The following DYNC2H1 variants were observed in gnomAD, a reference collection of about 807,000 sequenced individuals.
The protein encoded by DYNC2H1 is dynein cytoplasmic 2 heavy chain 1.
DYNC2H1 carries 410 observed loss-of-function variants against 570.0 expected under a neutral mutation model. The observed-to-expected ratio is 0.72, with a 90% CI of 0.66 to 0.78. DYNC2H1 has a LOEUF of 0.78. Among genes scored for constraint, DYNC2H1 ranks in the 30% least tolerant of loss-of-function variants. The probability of loss-of-function intolerance (pLI) is 0.00; values close to 1 mark genes in which losing one functional copy is unlikely to be tolerated. For missense variants in DYNC2H1, 4,865 were observed against 5,046.4 expected, an observed-to-expected ratio of 0.96 and a Z score of 1.09; for synonymous variants, 1,688 against 1,677.6, an observed-to-expected ratio of 1.01 and a Z score of -0.15.
chr11:103,381,629 A>C (rs2671388), intron 83 of DYNC2H1, among the ~76,000 whole-genome samples: 66,439 of 151,892 alleles, frequency 0.44, 16,112 homozygotes, highest in Non-Finnish European at 0.55. Flanking sequence ...TTGTATTTTT[A>C]GTAGAGATGG....
At chr11:103,416,351 A>G (rs1310051493) in intron 84 of DYNC2H1, among the ~76,000 whole-genome samples, 1 of 152,212 alleles carries the variant, frequency 6.6e-6, no homozygotes, top group East Asian at 1.9e-4. Context: ...TTCATATGGA[A>G]CCAAAATAGA....
chr11:103,181,069 G>T lies in DYNC2H1; in HGVS notation c.6348-688G>T, dbSNP rs1388181967. ...TATAAGGTATAATTTTGAATAAGATGTGAATCTCTATTATTTCACCAATTG... is the reference window on the plus strand; with the variant it reads ...TATAAGGTATAATTTTGAATAAGATTTGAATCTCTATTATTTCACCAATTG... On this transcript the variant is annotated intron_variant, in intron 39 of 88. Coordinates refer to ENST00000375735, the MANE Select transcript of DYNC2H1 (RefSeq NM_001377.3). The surrounding 1 kb of genome is among the most constrained non-coding windows in gnomAD (Gnocchi z 5.0). 6.6e-6 allele frequency among the ~76,000 whole-genome samples: 1 copy of T among 151,376 alleles called. No individual in the cohort carries two copies. The highest frequency in any genetic ancestry group is 1.9e-4 in the East Asian group (1 of 5,194).
chr11:103,399,613 T>C (rs902438858), intron 83 of DYNC2H1, 50 bp from the exon 84 acceptor site: 2 of 1,306,974 alleles, frequency 1.5e-6, no homozygotes, highest in African/African-American at 2.9e-5. Context: ...GTTTTATATA[T>C]CAGTGATCTG....
chr11:103,467,253 G>T (rs1322631469), intron 87 of DYNC2H1, among the ~76,000 whole-genome samples: 2 of 152,106 alleles, frequency 1.3e-5, no homozygotes, highest in Non-Finnish European at 2.9e-5. Flanking sequence ...GAATATTTAA[G>T]TATTAAATAA....
chr11:103,167,525 C>T (rs1443836845), intron 31 of DYNC2H1, among the ~76,000 whole-genome samples: 1 of 152,146 alleles, frequency 6.6e-6, no homozygotes, highest in Non-Finnish European at 1.5e-5. Flanking sequence ...GCCTCGGCCT[C>T]CCAAAGTGGT....
intron 83 of DYNC2H1, among the ~76,000 whole-genome samples, chr11:103,379,498 T>A (rs546020743): frequency 6.6e-6 from 1 of 152,336 alleles, no homozygotes; most frequent in South Asian, 2.1e-4. Context: ...CCCTCCCATT[T>A]TCTTCCCAAA....
At position 103,177,518 on chromosome 11, in the gene DYNC2H1, A is replaced by G. The variant is rs1245601648; in HGVS notation, c.5875-38A>G. On this transcript the variant is annotated intron_variant, in intron 37 of 88. Transcript: ENST00000375735. The surrounding 1 kb of genome is among the most constrained non-coding windows in gnomAD (Gnocchi z 4.4). ...AAAGCAGAACTAAGTATGATTGAAT[A>G]TTATAAATCATATATGAACATATTT... The G allele has an allele frequency of 6.4e-7, 1 of 1,566,588 alleles. No individual in the cohort carries two copies. The highest frequency in any genetic ancestry group is 2.3e-5 in the East Asian group (1 of 44,254).
Position 103,289,381 on chromosome 11 carries a change from A to G in DYNC2H1, c.11095+1776A>G, listed in dbSNP as rs1027678269. The stretch of plus-strand genomic sequence containing the variant: ...TTCCTTCCCAAGGATAGTTCAGCCT[A>G]CATGCAGGAATGAACAAGGTCAGCT... On this transcript the variant is annotated intron_variant, in intron 75 of 88. Transcript: ENST00000375735. This position sits in a 1 kb window ranked among gnomAD's most constrained non-coding sequence, Gnocchi z 4.2. Among the ~76,000 whole-genome samples the G allele has an allele frequency of 1.3e-5, 2 of 152,210 alleles. No individual in the cohort carries two copies. The highest frequency in any genetic ancestry group is 4.8e-5 in the African/African-American group (2 of 41,452).
At chr11:103,440,418 C>T (rs1944225501) in intron 85 of DYNC2H1, among the ~76,000 whole-genome samples, 1 of 152,114 alleles carries the variant, frequency 6.6e-6, no homozygotes, top group African/African-American at 2.4e-5. Context: ...ACGACTTGAA[C>T]TCCACTCAGT....
chr11:103,336,957 T>C (rs61896774), intron 82 of DYNC2H1, among the ~76,000 whole-genome samples: 22,643 of 152,028 alleles, frequency 0.15, 1,832 homozygotes, highest in Admixed American at 0.25. Flanking sequence ...CCAAAACTGG[T>C]CATAAACAAA....
intron 70 of DYNC2H1, among the ~76,000 whole-genome samples, chr11:103,267,023 G>C (rs1205958216): frequency 6.6e-6 from 1 of 152,170 alleles, no homozygotes; most frequent in African/African-American, 2.4e-5. Context: ...CTCCACATCA[G>C]CTGGCTTGCT....
intron 87 of DYNC2H1, among the ~76,000 whole-genome samples, chr11:103,463,030 A>G (rs1195418902): frequency 6.6e-6 from 1 of 152,200 alleles, no homozygotes; most frequent in Non-Finnish European, 1.5e-5. Context: ...CTCAAAAATT[A>G]TGTTTGCAGT....
At chr11:103,166,085 G>A in intron 31 of DYNC2H1, 37 bp downstream of exon 31, 4 of 1,457,374 alleles carry the variant, frequency 2.7e-6, no homozygotes, top group Non-Finnish European at 3.6e-6. Flanking sequence ...CCTGGTTTTG[G>A]GTTATTTTTT....
chr11:103,351,234 G>C (rs2566924), intron 82 of DYNC2H1, among the ~76,000 whole-genome samples: 72,975 of 151,946 alleles, frequency 0.48, 19,406 homozygotes, highest in Admixed American at 0.59. Context: ...AGGGTGACTT[G>C]ATTCTTGATG....
intron 75 of DYNC2H1, among the ~76,000 whole-genome samples, chr11:103,293,544 A>G (rs867694120): frequency 9.2e-5 from 14 of 152,228 alleles, no homozygotes; most frequent in South Asian, 8.3e-4. Context: ...TTCAAGGCCA[A>G]TAAGTTATAG....
At chr11:103,127,036 G>T (rs1859038779) in intron 12 of DYNC2H1, among the ~76,000 whole-genome samples, 1 of 152,176 alleles carries the variant, frequency 6.6e-6, no homozygotes. Flanking sequence ...AAAGCATAGA[G>T]GTAGGAAGTT....
chr11:103,323,516 C>G (rs1938320216), intron 81 of DYNC2H1, among the ~76,000 whole-genome samples: 1 of 151,652 alleles, frequency 6.6e-6, no homozygotes, highest in South Asian at 2.1e-4. Flanking sequence ...ATGAGCAGAA[C>G]TGCACTCTGC....
chr11:103,257,075 T>C (rs1865086363), intron 68 of DYNC2H1, among the ~76,000 whole-genome samples: 1 of 152,120 alleles, frequency 6.6e-6, no homozygotes, highest in African/African-American at 2.4e-5. Flanking sequence ...TAATCCCCAG[T>C]GTAATAGTAT....
At chr11:103,121,614 C>G in intron 10 of DYNC2H1, 118 bp downstream of exon 10, 1 of 1,129,546 alleles carries the variant, frequency 8.9e-7, no homozygotes, top group Non-Finnish European at 1.2e-6. Flanking sequence ...GCATGTCTGT[C>G]TAATTTTCAT....
Sources: gnomAD v4.1 joint callset for allele counts (sites outside exome capture counted in the v4.1 genomes callset) on GRCh38, gnomAD v4.1.1 for gene constraint, Gnocchi (gnomAD v3.1) non-coding constraint, MANE v1.5 for transcripts, NCBI Gene and HGNC (gene_info 2026-07-23, HGNC 2026-07-21) for gene names.